The following SCO1 variants were observed in gnomAD, a reference collection of about 807,000 sequenced individuals.
SCO1 encodes the protein cytochrome c oxidase assembly factor SCO1.
Under a neutral mutation model 34.0 loss-of-function variants are expected in SCO1, and 23 were observed. The observed-to-expected ratio is 0.68, with a 90% CI of 0.49 to 0.96. The LOEUF (loss-of-function observed/expected upper bound fraction) is 0.96, where lower values mean the gene tolerates loss of function less well. Among genes scored for constraint, SCO1 ranks in the 40% least tolerant of loss-of-function variants. The pLI, the probability that SCO1 is intolerant of heterozygous loss-of-function variation, is 0.00. For synonymous variants in SCO1, 161 were observed against 145.5 expected (o/e 1.11, Z -0.77); for missense variants, 404 against 381.6 (o/e 1.06, Z -0.49).
At chr17:10,683,563 T>C (rs1427470514) in intron 5 of SCO1, among the ~76,000 whole-genome samples, 1 of 152,124 alleles carries the variant, frequency 6.6e-6, no homozygotes, top group East Asian at 1.9e-4. Context: ...GCTTTTCCAA[T>C]TTCGACAATA....
At chr17:10,688,100 T>G (rs2157872) in intron 4 of SCO1, among the ~76,000 whole-genome samples, 76,866 of 152,032 alleles carry the variant, frequency 0.51, 20,200 homozygotes, top group African/African-American at 0.65. Flanking sequence ...CTTAGGTTAG[T>G]CAAAGATTTC....
In SCO1 at chr17:10,695,844, G is replaced by A; in HGVS notation, c.274-13C>T. 16 of 1,601,110 alleles carry A rather than the reference G, an allele frequency of 1.0e-5. No individual in the cohort carries two copies. The highest frequency in any genetic ancestry group is 1.4e-5 in the Non-Finnish European group (16 of 1,169,550). On this transcript the variant is annotated splice_polypyrimidine_tract_variant and intron_variant, in intron 1 of 5. Transcript: ENST00000255390. Reference sequence around the variant, plus strand: ...TCCAGGAAACAGGCTACTGGGGCAGGGATTTCAAACATAAAAATTCTAGTA... The same window carrying A: ...TCCAGGAAACAGGCTACTGGGGCAGAGATTTCAAACATAAAAATTCTAGTA...
At chr17:10,682,762 TTGTA>T (rs1189190695) in intron 5 of SCO1, among the ~76,000 whole-genome samples, 1 of 152,228 alleles carries the variant, frequency 6.6e-6, no homozygotes, top group Non-Finnish European at 1.5e-5. Flanking sequence ...TAGTACTTCC[TTGTA>T]TAGAAAAAGG....
At chr17:10,682,153 T>TA (rs755931556) in intron 5 of SCO1, among the ~76,000 whole-genome samples, 26 of 152,310 alleles carry the variant, frequency 1.7e-4, no homozygotes, top group East Asian at 5.8e-4. Context: ...ATTTGGCACT[T>TA]AGAGTCCTTG....
At chr17:10,686,422 AAT>A (rs1355346923) in intron 5 of SCO1, among the ~76,000 whole-genome samples, 2 of 151,352 alleles carry the variant, frequency 1.3e-5, no homozygotes, top group Non-Finnish European at 2.9e-5. Context: ...TCTACCAAAA[AAT>A]ATAAAAAAGT....
chr17:10,697,120 A>T, intron 1 of SCO1, 115 bp downstream of exon 1: 2 of 1,044,748 alleles, frequency 1.9e-6, no homozygotes, highest in Non-Finnish European at 2.7e-6. Context: ...GCGCAAGCTA[A>T]GGACAACTTT....
At position 10,674,318 on chromosome 17, in the gene SCO1, T is replaced by C. The variant is rs148931676; in HGVS notation, c.*6801A>G. ...GCGGGCGCCTGTAATCCCAGCTACT[T>C]GGGAGGCTGAGGCAGCAGAATCACT... is the stretch of plus-strand genomic sequence containing the variant. On this transcript the variant is annotated 3_prime_UTR_variant, in exon 6 of 6. Coordinates refer to ENST00000255390, the MANE Select transcript of SCO1 (RefSeq NM_004589.4). 1,189 of 164,136 alleles carry C rather than the reference T, an allele frequency of 7.2e-3. 19 individuals are homozygous for C. The highest frequency in any genetic ancestry group is 0.027 in the African/African-American group (1,140 of 41,594). 10.2% of individuals were successfully genotyped at this position (164,136 alleles called of 1,614,324 possible). A position where few individuals can be genotyped will look rare whatever the true frequency, so the allele number is the denominator to read the frequency against.
At chr17:10,691,365 C>T (rs956050462) in intron 4 of SCO1, among the ~76,000 whole-genome samples, 12 of 151,770 alleles carry the variant, frequency 7.9e-5, no homozygotes, top group African/African-American at 2.7e-4. Flanking sequence ...AGGTGATCCA[C>T]CCACTTTGGT....
chr17:10,697,092 C>T, intron 1 of SCO1, 143 bp downstream of exon 1: 1 of 777,220 alleles, frequency 1.3e-6, no homozygotes, highest in Non-Finnish European at 2.0e-6. Context: ...GGATGAAATT[C>T]CATGACCCAG....
rs1456697348 is a variant in SCO1, at chr17:10,681,259, G to A, written c.772-6C>T. ...ATTATTATTGTGTGATCCACCTGCA[G>A]AGAAAAGGGGGGAGAGTGTGACAAA... is the stretch of plus-strand genomic sequence containing the variant. On this transcript the variant is annotated splice_region_variant and splice_polypyrimidine_tract_variant and intron_variant, in intron 5 of 5. Coordinates refer to ENST00000255390, the MANE Select transcript of SCO1 (RefSeq NM_004589.4). 1.9e-6 allele frequency: 3 copies of A among 1,613,924 alleles called. No individual in the cohort carries two copies. The highest frequency in any genetic ancestry group is 2.5e-6 in the Non-Finnish European group (3 of 1,179,924).
chr17:10,674,683 T>C lies in SCO1; in HGVS notation c.*6436A>G, dbSNP rs1251969185. 6.6e-6 allele frequency: 1 copy of C among 152,610 alleles called. No homozygotes were observed. Among genetic ancestry groups the C allele is most frequent in the Admixed American group, 6.5e-5 (1 of 15,302 alleles). 9.5% of individuals were successfully genotyped at this position (152,610 alleles called of 1,614,324 possible). A position where few individuals can be genotyped will look rare whatever the true frequency, so the allele number is the denominator to read the frequency against. On this transcript the variant is annotated 3_prime_UTR_variant, in exon 6 of 6. Coordinates refer to ENST00000255390, the MANE Select transcript of SCO1 (RefSeq NM_004589.4). Reference sequence around the variant, plus strand: ...GTGTGTGACACGTCTGACATTGTGATGGCGAAACCACCTCAAGGTCCTCAC... The same window carrying C: ...GTGTGTGACACGTCTGACATTGTGACGGCGAAACCACCTCAAGGTCCTCAC...
intron 4 of SCO1, among the ~76,000 whole-genome samples, chr17:10,687,584 A>AT (rs2074664556): frequency 6.6e-6 from 1 of 152,226 alleles, no homozygotes; most frequent in African/African-American, 2.4e-5. Context: ...TAAATGAGAC[A>AT]TTGTTCAGAT....
In SCO1 at chr17:10,675,921, G is replaced by A. The variant is rs2074577464; in HGVS notation, c.*5198C>T. 6.6e-6 allele frequency: 1 copy of A among 152,060 alleles called. No homozygotes were observed. 9.4% of individuals were successfully genotyped at this position (152,060 alleles called of 1,614,324 possible). ...GACAAAGTCACATGTATGACATGGA[G>A]ACAACACATCCCCACAACGAACTGC... On this transcript the variant is annotated 3_prime_UTR_variant, in exon 6 of 6. Coordinates refer to ENST00000255390, the MANE Select transcript of SCO1 (RefSeq NM_004589.4).
At position 10,679,527 on chromosome 17, in the gene SCO1, A is replaced by C. The variant is rs2074606921; in HGVS notation, c.*1592T>G. 1 of 152,224 alleles carries C rather than the reference A, an allele frequency of 6.6e-6. No individual in the cohort carries two copies. Among genetic ancestry groups the C allele is most frequent in the Admixed American group, 6.5e-5 (1 of 15,282 alleles). The allele number at this position is 152,224 out of a possible 1,614,324, so 9.4% of individuals were successfully genotyped here. A position where few individuals can be genotyped will look rare whatever the true frequency, so the allele number is the denominator to read the frequency against. On this transcript the variant is annotated 3_prime_UTR_variant, in exon 6 of 6. Transcript: ENST00000255390. ...TGTGCGTGTAGAAACATATCATGTA[A>C]AAAGAATCTGTTGTCTATCTAGGCA... is the stretch of plus-strand genomic sequence containing the variant.
In SCO1 at chr17:10,692,966, A is replaced by G. The variant is rs2074699309; in HGVS notation, c.365-5T>C. ...GCTGCCGTTCCTTCTCTAACTCTTA[A>G]GGAGACAAAAACATATCGACACCAA... On this transcript the variant is annotated splice_region_variant and splice_polypyrimidine_tract_variant and intron_variant, in intron 2 of 5. Coordinates refer to ENST00000255390, the MANE Select transcript of SCO1 (RefSeq NM_004589.4). The G allele has an allele frequency of 6.2e-7, 1 of 1,613,888 alleles. No individual in the cohort carries two copies. Among genetic ancestry groups the G allele is most frequent in the Admixed American group, 1.7e-5 (1 of 60,006 alleles).
intron 1 of SCO1, among the ~76,000 whole-genome samples, chr17:10,696,807 C>T (rs1253607614): frequency 6.6e-6 from 1 of 152,172 alleles, no homozygotes; most frequent in African/African-American, 2.4e-5. Flanking sequence ...GGCAGATCCA[C>T]ACATAACTAA....
intron 1 of SCO1, among the ~76,000 whole-genome samples, chr17:10,696,369 C>T (rs756942888): frequency 9.2e-5 from 14 of 151,652 alleles, no homozygotes; most frequent in Admixed American, 4.6e-4. Flanking sequence ...CGCTTGAACC[C>T]GGGAGGCGGA....
At chr17:10,684,087 A>T (rs996440771) in intron 5 of SCO1, 2 of 152,252 alleles carry the variant, frequency 1.3e-5, no homozygotes, top group Admixed American at 1.3e-4. Flanking sequence ...TGAATTCCTC[A>T]TCGAATCTCA....
chr17:10,689,032 C>T (rs1348685497), intron 4 of SCO1, among the ~76,000 whole-genome samples: 1 of 142,692 alleles, frequency 7.0e-6, no homozygotes, highest in East Asian at 2.1e-4. Context: ...AGGAGAATGG[C>T]GTGAACCCGG....
Sources: gnomAD v4.1 joint callset for allele counts (sites outside exome capture counted in the v4.1 genomes callset) on GRCh38, gnomAD v4.1.1 for gene constraint, MANE v1.5 for transcripts, NCBI Gene and HGNC (gene_info 2026-07-23, HGNC 2026-07-21) for gene names.